Variants in RPS6KA5 observed in about 807,000 individuals in gnomAD.
RPS6KA5 encodes ribosomal protein S6 kinase alpha-5.
Under a neutral mutation model 85.5 loss-of-function variants are expected in RPS6KA5, and 27 were observed. The observed-to-expected ratio is 0.32, with a 90% CI of 0.23 to 0.44. The LOEUF (loss-of-function observed/expected upper bound fraction) is 0.44, where lower values mean the gene tolerates loss of function less well. Ranked by LOEUF, RPS6KA5 falls within the 20% of genes least tolerant of loss-of-function variation. RPS6KA5 has a pLI of 1.00. For missense variants in RPS6KA5, 811 were observed against 980.9 expected (o/e 0.83, Z 2.31); for synonymous variants, 334 against 348.2 (o/e 0.96, Z 0.46).
intron 8 of RPS6KA5, among the ~76,000 whole-genome samples, chr14:90,903,314 A>G (rs2035291527): frequency 6.6e-6 from 1 of 152,184 alleles, no homozygotes; most frequent in South Asian, 2.1e-4. Context: ...AAAAAACCCA[A>G]AACAAAATAA....
At chr14:90,969,328 G>A (rs979755781) in intron 3 of RPS6KA5, among the ~76,000 whole-genome samples, 3 of 152,144 alleles carry the variant, frequency 2.0e-5, no homozygotes, top group African/African-American at 7.2e-5. Context: ...ACAGTTTCAG[G>A]CTGCTCGTCT....
intron 5 of RPS6KA5, among the ~76,000 whole-genome samples, chr14:90,927,682 T>A (rs2036746663): frequency 6.6e-6 from 1 of 152,026 alleles, no homozygotes; most frequent in African/African-American, 2.4e-5. Flanking sequence ...CCTCAAAAAT[T>A]TGTGAAAAGC....
chr14:90,902,696 T>C (rs2035241887), intron 9 of RPS6KA5, 112 bp downstream of exon 9: 2 of 950,154 alleles, frequency 2.1e-6, no homozygotes, highest in Non-Finnish European at 1.5e-6. Flanking sequence ...TTAGAGGATA[T>C]TAGAGAATCC....
At chr14:90,899,213 G>A in intron 12 of RPS6KA5, 116 bp downstream of exon 12, 2 of 668,616 alleles carry the variant, frequency 3.0e-6, no homozygotes, top group Non-Finnish European at 5.1e-6. Context: ...TCTGGTGGCT[G>A]GGTGATGTTC....
chr14:90,905,415 A>C (rs779270965), intron 8 of RPS6KA5, among the ~76,000 whole-genome samples: 1 of 152,220 alleles, frequency 6.6e-6, no homozygotes, highest in Non-Finnish European at 1.5e-5. Context: ...TTTAAAAGTC[A>C]TATCTCCAGA....
chr14:90,876,692 C>T (rs368680550), intron 14 of RPS6KA5, among the ~76,000 whole-genome samples: 58 of 152,174 alleles, frequency 3.8e-4, no homozygotes, highest in African/African-American at 1.3e-3. Context: ...GACCAAAAGG[C>T]GGCCCTACCA....
chr14:90,875,503 AG>A lies in RPS6KA5; in HGVS notation c.1837-144del, dbSNP rs1258917767. 8 of 721,136 alleles carry A rather than the reference AG, an allele frequency of 1.1e-5. No homozygotes were observed. In the Admixed American group the frequency reaches 1.8e-4, roughly 16 times the overall value. 44.7% of individuals were successfully genotyped at this position (721,136 alleles called of 1,614,324 possible). On this transcript the variant is annotated intron_variant, in intron 14 of 16. Transcript: ENST00000614987. ...AGTTTAAAAGATTACGTGATTCCTC[AG>A]GGATCTAGAACTAGAAATACCATTT...
intron 2 of RPS6KA5, among the ~76,000 whole-genome samples, chr14:90,981,125 C>T (rs918555574): frequency 6.6e-5 from 10 of 152,186 alleles, no homozygotes; most frequent in Admixed American, 3.9e-4. Flanking sequence ...GAGCCGAGAG[C>T]GTGCCATCGC....
intron 14 of RPS6KA5, among the ~76,000 whole-genome samples, chr14:90,877,279 A>T (rs1025774759): frequency 2.6e-5 from 4 of 152,240 alleles, no homozygotes; most frequent in Non-Finnish European, 5.9e-5. Context: ...CTAATGAAGA[A>T]GATTAATTGC....
chr14:91,016,418 T>A (rs868826444), intron 1 of RPS6KA5, among the ~76,000 whole-genome samples: 1 of 152,202 alleles, frequency 6.6e-6, no homozygotes, highest in Non-Finnish European at 1.5e-5. Context: ...GTCATATTCA[T>A]AATCTTTTTG....
chr14:90,921,012 G>A (rs1023503777), intron 6 of RPS6KA5, among the ~76,000 whole-genome samples: 8 of 152,094 alleles, frequency 5.3e-5, no homozygotes, highest in African/African-American at 1.7e-4. Flanking sequence ...GATTACAGGC[G>A]TGAGCCACCA....
chr14:90,877,463 C>A (rs1408129684), intron 14 of RPS6KA5, among the ~76,000 whole-genome samples: 1 of 152,194 alleles, frequency 6.6e-6, no homozygotes, highest in African/African-American at 2.4e-5. Flanking sequence ...CACCTGCCCC[C>A]AACCTCACTT....
chr14:90,970,875 A>G (rs1479771908), intron 3 of RPS6KA5, among the ~76,000 whole-genome samples: 1 of 151,650 alleles, frequency 6.6e-6, no homozygotes, highest in Non-Finnish European at 1.5e-5. Flanking sequence ...CATTAGCTAT[A>G]AATCAGAGGC....
chr14:91,053,088 C>A (rs2043162674), intron 1 of RPS6KA5, among the ~76,000 whole-genome samples: 1 of 151,978 alleles, frequency 6.6e-6, no homozygotes. Context: ...ATGTAATACA[C>A]CATATGAACA....
At chr14:90,999,151 T>C (rs1388305099) in intron 2 of RPS6KA5, among the ~76,000 whole-genome samples, 1 of 152,034 alleles carries the variant, frequency 6.6e-6, no homozygotes, top group Non-Finnish European at 1.5e-5. Flanking sequence ...GAAGTTGCAG[T>C]GAGCCAAGAT....
chr14:90,890,416 G>T (rs2034483031), intron 14 of RPS6KA5, 71 bp downstream of exon 14: 2 of 1,309,302 alleles, frequency 1.5e-6, no homozygotes, highest in Admixed American at 2.8e-5. Context: ...AGGAAACAGT[G>T]AAGAGTGAGA....
rs551136166 is a variant in RPS6KA5 at position 91,033,446 on chromosome 14, C to T, written c.103+26886G>A. Among the ~76,000 whole-genome samples, 326 of 151,316 alleles carry T rather than the reference C, an allele frequency of 2.2e-3. 4 individuals are homozygous for T. The highest frequency in any genetic ancestry group is 7.6e-3 in the African/African-American group (312 of 41,272). ...CAAAACCCTGCCTCTACTAAAAATA[C>T]AAAAAATTAGCTGGGTGTGGTGGTG... On this transcript the variant is annotated intron_variant, in intron 1 of 16. Transcript: ENST00000614987.
intron 7 of RPS6KA5, among the ~76,000 whole-genome samples, chr14:90,916,256 A>G (rs781331147): frequency 1.3e-5 from 2 of 152,208 alleles, no homozygotes; most frequent in Non-Finnish European, 2.9e-5. Context: ...TGGCACAACT[A>G]TCAGGGATTC....
intron 12 of RPS6KA5, among the ~76,000 whole-genome samples, chr14:90,897,393 G>A (rs1220598503): frequency 6.6e-6 from 1 of 152,160 alleles, no homozygotes; most frequent in African/African-American, 2.4e-5. Flanking sequence ...GTGATTTGTT[G>A]CAGCAGCAAT....
Sources: gnomAD v4.1 joint callset for allele counts (sites outside exome capture counted in the v4.1 genomes callset) on GRCh38, gnomAD v4.1.1 for gene constraint, MANE v1.5 for transcripts, NCBI Gene and HGNC (gene_info 2026-07-23, HGNC 2026-07-21) for gene names.